The following PHKA1 variants were observed in gnomAD, a reference collection of about 807,000 sequenced individuals.
The protein encoded by PHKA1 is phosphorylase kinase regulatory subunit alpha 1, also known as phosphorylase b kinase regulatory subunit alpha, skeletal muscle isoform.
PHKA1 carries 60 observed loss-of-function variants against 110.2 expected under a neutral mutation model. The observed-to-expected ratio is 0.54, with a 90% CI of 0.44 to 0.68. PHKA1 has a LOEUF of 0.68. PHKA1 is among the 30% of genes least tolerant of loss of function. The pLI, the probability that PHKA1 is intolerant of heterozygous loss-of-function variation, is 0.00. For missense variants in PHKA1, 801 were observed against 942.5 expected (o/e 0.85, Z 1.97); for synonymous variants, 316 against 333.6 (o/e 0.95, Z 0.58).
chrX:72,680,034 A>G (rs782124062), intron 5 of PHKA1, among the ~76,000 whole-genome samples: 2 of 108,585 alleles, frequency 1.8e-5, no homozygotes, highest in Non-Finnish European at 3.8e-5. Flanking sequence ...TTTTTGAGAC[A>G]GAGTCTCACT....
intron 29 of PHKA1, among the ~76,000 whole-genome samples, chrX:72,585,738 G>A (rs960103876): frequency 1.8e-5 from 2 of 112,377 alleles, no homozygotes; most frequent in Non-Finnish European, 3.8e-5. Flanking sequence ...CTTTTCCAGT[G>A]GTCTTAGCAA....
intron 6 of PHKA1, among the ~76,000 whole-genome samples, chrX:72,675,303 C>A (rs373670552): frequency 9.0e-6 from 1 of 110,825 alleles, no homozygotes; most frequent in Non-Finnish European, 1.9e-5. Context: ...CTGTTCCATG[C>A]AATATTTTTT....
rs2052936355 is a variant in PHKA1, at chrX:72,618,916, A to G, written c.2230-67T>C. 9.0e-6 allele frequency: 9 copies of G among 1,001,386 alleles called. No individual in the cohort carries two copies. The Admixed American group carries it at 1.8e-4, about 20-fold the overall frequency. The allele number at this position is 1,001,386 out of a possible 1,213,427, so 82.5% of individuals were successfully genotyped here. On this transcript the variant is annotated intron_variant, in intron 20 of 31. Transcript: ENST00000373542. ...TGCTCAACTTAAATAATGTCCTAGA[A>G]TGAGTCATATTTTCACCTCTAAACC...
chrX:72,686,377 A>G (rs2053967198), intron 4 of PHKA1, among the ~76,000 whole-genome samples: 1 of 112,252 alleles, frequency 8.9e-6, no homozygotes, highest in African/African-American at 3.2e-5. Context: ...TGCATGTACA[A>G]ACATTACACA....
intron 4 of PHKA1, among the ~76,000 whole-genome samples, chrX:72,688,623 G>A (rs1322753267): frequency 8.9e-6 from 1 of 112,091 alleles, no homozygotes; most frequent in Non-Finnish European, 1.9e-5. Flanking sequence ...CAAATGCTAT[G>A]TCCTCTGTGA....
intron 19 of PHKA1, among the ~76,000 whole-genome samples, chrX:72,620,157 G>A (rs1204215462): frequency 1.8e-5 from 2 of 111,381 alleles, no homozygotes; most frequent in Non-Finnish European, 3.8e-5. Flanking sequence ...TTAACATTCA[G>A]GTCTTCTAGG....
chrX:72,701,035 TTTTCTC>T (rs1414726856), intron 3 of PHKA1, among the ~76,000 whole-genome samples: 8 of 112,749 alleles, frequency 7.1e-5, no homozygotes, highest in Non-Finnish European at 1.3e-4. Context: ...CTCTACCTGA[TTTTCTC>T]TAGAATTTGG....
At chrX:72,664,829 T>C (rs1556305727) in intron 8 of PHKA1, among the ~76,000 whole-genome samples, 1 of 111,471 alleles carries the variant, frequency 9.0e-6, no homozygotes, top group East Asian at 2.8e-4. Context: ...AACGAGTCAA[T>C]GAAGAAATTA....
intron 23 of PHKA1, among the ~76,000 whole-genome samples, chrX:72,607,975 C>G (rs1469868099): frequency 9.0e-6 from 1 of 111,121 alleles, no homozygotes; most frequent in Non-Finnish European, 1.9e-5. Context: ...AACCTGGTAC[C>G]TAAGCTGCAA....
At chrX:72,693,110 T>C (rs2054061058) in intron 4 of PHKA1, among the ~76,000 whole-genome samples, 1 of 111,538 alleles carries the variant, frequency 9.0e-6, no homozygotes, top group African/African-American at 3.3e-5. Flanking sequence ...AATTTCCATA[T>C]ATTTGTGAGA....
chrX:72,633,342 A>G (rs1285469333), intron 16 of PHKA1, among the ~76,000 whole-genome samples: 1 of 110,980 alleles, frequency 9.0e-6, no homozygotes, highest in Non-Finnish European at 1.9e-5. Context: ...CCCTTCTACA[A>G]TGTAAGAACA....
intron 28 of PHKA1, among the ~76,000 whole-genome samples, chrX:72,596,179 A>G (rs1452131856): frequency 8.9e-6 from 1 of 112,120 alleles, no homozygotes; most frequent in Non-Finnish European, 1.9e-5. Context: ...CTATGCTATG[A>G]GAAATAAGCC....
At chrX:72,669,624 T>C (rs182791131) in intron 6 of PHKA1, among the ~76,000 whole-genome samples, 63 of 101,326 alleles carry the variant, frequency 6.2e-4, no homozygotes, top group African/African-American at 2.2e-3. Flanking sequence ...AGTGAGAATA[T>C]GCGGTGTTTG....
intron 28 of PHKA1, chrX:72,599,715 GATTA>G (rs1460074774): frequency 3.9e-4 from 149 of 377,838 alleles, no homozygotes; most frequent in Middle Eastern, 1.9e-3. Context: ...TTTAATTCTT[GATTA>G]ATTTTTTTTT....
intron 6 of PHKA1, among the ~76,000 whole-genome samples, chrX:72,669,819 T>C (rs1358274316): frequency 3.6e-5 from 4 of 110,696 alleles, no homozygotes. Context: ...TTTGCTATTG[T>C]GAATAGTGCG....
chrX:72,711,626 C>A (rs1265590746), intron 2 of PHKA1, among the ~76,000 whole-genome samples: 1 of 111,111 alleles, frequency 9.0e-6, no homozygotes. Flanking sequence ...CGCATGTAGT[C>A]CCAGCTACTC....
chrX:72,639,331 T>A (rs1433989025), intron 14 of PHKA1, among the ~76,000 whole-genome samples: 4 of 110,801 alleles, frequency 3.6e-5, no homozygotes, highest in Non-Finnish European at 7.6e-5. Flanking sequence ...AGGTCAGGAG[T>A]TCGAGACCAG....
intron 2 of PHKA1, chrX:72,711,999 C>T (rs782261839): frequency 7.2e-5 from 8 of 111,577 alleles, no homozygotes; most frequent in Admixed American, 2.9e-4. Context: ...GGAGAGACCA[C>T]TGGAGAAAAT....
rs572267172 is a variant in PHKA1, at chrX:72,646,741, G to A, written c.1325-2245C>T. Among the ~76,000 whole-genome samples, 6 of 111,372 alleles carry A rather than the reference G, an allele frequency of 5.4e-5. No homozygotes were observed. In the South Asian group the frequency reaches 2.3e-3, roughly 42 times the overall value. ...AAGCCCTTGTAGAGGCATAATCAGA[G>A]GAATACCATATTAATACCTGTACCT... is the stretch of plus-strand genomic sequence containing the variant. On this transcript the variant is annotated intron_variant, in intron 13 of 31. Coordinates refer to ENST00000373542, the MANE Select transcript of PHKA1 (RefSeq NM_002637.4).
Sources: allele counts gnomAD v4.1 joint callset (sites outside exome capture counted in the v4.1 genomes callset), GRCh38; gene constraint gnomAD v4.1.1; transcripts MANE v1.5; gene names NCBI Gene and HGNC (gene_info 2026-07-23, HGNC 2026-07-21).